RMC1: variants seen among roughly 807,000 people sequenced by gnomAD.
RMC1 encodes the protein regulator of MON1-CCZ1.
In RMC1, 44 loss-of-function variants were observed where a neutral mutation model predicts 95.5. The observed-to-expected ratio is 0.46, with a 90% confidence interval of 0.36 to 0.59. The LOEUF (loss-of-function observed/expected upper bound fraction) is 0.59. Ranked by LOEUF, RMC1 falls within the 20% of genes least tolerant of loss-of-function variation. The pLI is 0.00. For synonymous variants in RMC1, 320 were observed against 303.6 expected (o/e 1.05, Z -0.56); for missense variants, 705 against 819.6 (o/e 0.86, Z 1.71).
At chr18:23,519,925 C>T (rs2058100375) in intron 9 of RMC1, among the ~76,000 whole-genome samples, 1 of 152,140 alleles carries the variant, frequency 6.6e-6, no homozygotes, top group Non-Finnish European at 1.5e-5. Context: ...GAGGATGTTT[C>T]CAGTTGAAAT....
Position 23,503,754 on chromosome 18 carries a change from CCCT to C in RMC1, c.102+35_102+37del, listed in dbSNP as rs779399938. ...CGCCCGCGCTTCCTCCCCCGCGCGG[CCCT>C]GCCGGGGTCGTGGGCGCGCCAAGGC... On this transcript the variant is annotated intron_variant, in intron 1 of 19. Transcript: ENST00000269221. 5 of 1,567,102 alleles carry C rather than the reference CCCT, an allele frequency of 3.2e-6. No individual in the cohort carries two copies. In the South Asian group the frequency reaches 5.7e-5, roughly 18 times the overall value.
intron 5 of RMC1, among the ~76,000 whole-genome samples, chr18:23,513,599 A>C (rs578101987): frequency 1.9e-4 from 29 of 152,294 alleles, no homozygotes; most frequent in African/African-American, 6.7e-4. Flanking sequence ...TCTGTTTCTG[A>C]ATATTTTAGG....
At chr18:23,507,914 G>T in intron 3 of RMC1, 71 bp from the exon 4 acceptor site, 1 of 1,372,668 alleles carries the variant, frequency 7.3e-7, no homozygotes, top group Non-Finnish European at 1.0e-6. Context: ...TTGTCTTGTA[G>T]TATGCCAACG....
At chr18:23,519,665 T>A (rs1355635964) in intron 9 of RMC1, among the ~76,000 whole-genome samples, 2 of 152,194 alleles carry the variant, frequency 1.3e-5, no homozygotes, top group Non-Finnish European at 2.9e-5. Flanking sequence ...TAAAGATAAT[T>A]CAAAACTATT....
intron 10 of RMC1, among the ~76,000 whole-genome samples, chr18:23,523,719 C>G (rs889813108): frequency 2.0e-5 from 3 of 151,952 alleles, no homozygotes; most frequent in Non-Finnish European, 4.4e-5. Context: ...AACACCCTCT[C>G]TTAAAGAAAA....
In RMC1 at chr18:23,519,656, A is replaced by C. The variant is rs548407562; in HGVS notation, c.849+482A>C. On this transcript the variant is annotated intron_variant, in intron 9 of 19. Coordinates refer to ENST00000269221, the MANE Select transcript of RMC1 (RefSeq NM_013326.5). ...AAAAAAGTGATTGTGTCAGTTGATT[A>C]AAGATAATTCAAAACTATTTCAGAA... 1.9e-4 allele frequency among the ~76,000 whole-genome samples: 29 copies of C among 152,378 alleles called. No individual in the cohort carries two copies. In the East Asian group the frequency reaches 5.4e-3, roughly 28 times the overall value.
In RMC1 at chr18:23,531,701, C is replaced by CTGAAATCACTTGCTGTTTTTTTAT. The variant is rs777884024; in HGVS notation, c.1972_*21dup. Reference sequence around the variant, plus strand: ...AAGCTCTAATGAGGCCTACAACATTCTGAAATCACTTGCTGTTTTTTTATA... The same window carrying CTGAAATCACTTGCTGTTTTTTTAT: ...AAGCTCTAATGAGGCCTACAACATTCTGAAATCACTTGCTGTTTTTTTATTGAAATCACTTGCTGTTTTTTTATA... On this transcript the variant is annotated inframe_insertion and stop_retained_variant, in exon 20 of 20. Transcript: ENST00000269221. The CTGAAATCACTTGCTGTTTTTTTAT allele has an allele frequency of 4.4e-6, 7 of 1,604,808 alleles. No homozygotes were observed. The highest frequency in any genetic ancestry group is 5.9e-6 in the Non-Finnish European group (7 of 1,177,860).
At position 23,519,189 on chromosome 18, in the gene RMC1, C is replaced by T. The variant is rs770064244; in HGVS notation, c.849+15C>T. The T allele has an allele frequency of 7.5e-6, 12 of 1,604,748 alleles. No homozygotes were observed. Among genetic ancestry groups the T allele is most frequent in the East Asian group, 2.2e-5 (1 of 44,778 alleles). ...AGGATACAGAGGTACAAGCTGTCTG[C>T]GTTTCTACCAAAGTTAAGGTTGCTT... On this transcript the variant is annotated intron_variant, in intron 9 of 19. Coordinates refer to ENST00000269221, the MANE Select transcript of RMC1 (RefSeq NM_013326.5).
intron 9 of RMC1, among the ~76,000 whole-genome samples, chr18:23,519,404 G>A (rs898846265): frequency 7.2e-5 from 11 of 152,194 alleles, no homozygotes; most frequent in Admixed American, 3.3e-4. Flanking sequence ...TATAGTCCCA[G>A]CTACTTGTGG....
chr18:23,515,501 G>C (rs2057976885), intron 5 of RMC1, among the ~76,000 whole-genome samples: 1 of 152,114 alleles, frequency 6.6e-6, no homozygotes, highest in Non-Finnish European at 1.5e-5. Context: ...AGAGCGCACT[G>C]TAAGGATCTT....
At chr18:23,527,223 CAAAAAAAAA>C (rs386387173) in intron 13 of RMC1, among the ~76,000 whole-genome samples, 2 of 43,670 alleles carry the variant, frequency 4.6e-5, no homozygotes, top group Non-Finnish European at 1.0e-4. Context: ...CCTGTCTCTA[CAAAAAAAAA>C]AAAAAAAAAA....
intron 16 of RMC1, 49 bp downstream of exon 16, chr18:23,529,761 A>C: frequency 6.5e-7 from 1 of 1,534,868 alleles, no homozygotes. Context: ...GAATTTAAAA[A>C]AAAAACACAG....
At chr18:23,504,715 A>T (rs2057670365) in intron 2 of RMC1, 1 of 331,606 alleles carries the variant, frequency 3.0e-6, no homozygotes, top group African/African-American at 2.1e-5. Context: ...TTAACAAGTC[A>T]GCGTGATGAT....
chr18:23,522,792 GT>G (rs2058177398), intron 10 of RMC1: 1 of 152,406 alleles, frequency 6.6e-6, no homozygotes. Flanking sequence ...ATTTTCAGAG[GT>G]TAGTGACTCT....
chr18:23,525,427 A>C (rs1033660508), intron 12 of RMC1, among the ~76,000 whole-genome samples: 4 of 150,722 alleles, frequency 2.7e-5, no homozygotes, highest in Admixed American at 1.3e-4. Context: ...TATTATAATA[A>C]TAATAATAAT....
rs776793684 is a variant in RMC1 at position 23,518,966 on chromosome 18, T to A, written c.730T>A (p.Tyr244Asn). The change falls in exon 8 of 20, where the codon TAT (tyrosine) becomes AAT (asparagine). Residue 244 changes from tyrosine to asparagine, a missense_variant. Tyr to Asn is a moderately radical substitution (Grantham distance 143). Transcript: ENST00000269221. ...SNSTGAEVVLYHLPREGACKK... is the reference protein window; with the variant it reads ...SNSTGAEVVLNHLPREGACKK... Reference sequence around the variant, plus strand: ...CAGCACAGGAGCGGAGGTGGTCCTCTATCATCTACCACGGTAGATTTCATG... The same window carrying A: ...CAGCACAGGAGCGGAGGTGGTCCTCAATCATCTACCACGGTAGATTTCATG... 4 of 1,614,232 alleles carry A rather than the reference T, an allele frequency of 2.5e-6. No homozygotes were observed. The Admixed American group carries it at 6.7e-5, about 27-fold the overall frequency.
At chr18:23,513,444 T>C (rs1051866060) in intron 5 of RMC1, among the ~76,000 whole-genome samples, 19 of 152,246 alleles carry the variant, frequency 1.2e-4, no homozygotes, top group African/African-American at 4.1e-4. Context: ...CATTCATCTG[T>C]TGAGGGACAT....
At chr18:23,514,538 C>G in intron 5 of RMC1, among the ~76,000 whole-genome samples, 1 of 149,896 alleles carries the variant, frequency 6.7e-6, no homozygotes, top group East Asian at 2.0e-4. Flanking sequence ...GCCTGGGCAA[C>G]AAGAGTGAAA....
At chr18:23,524,311 A>G in intron 11 of RMC1, 118 bp from the exon 12 acceptor site, 3 of 1,486,286 alleles carry the variant, frequency 2.0e-6, no homozygotes, top group Non-Finnish European at 1.9e-6. Flanking sequence ...CTGACTGTCC[A>G]GGGGCCTCGC....
Sources: allele counts gnomAD v4.1 joint callset (sites outside exome capture counted in the v4.1 genomes callset), GRCh38; gene constraint gnomAD v4.1.1; transcripts MANE v1.5; gene names NCBI Gene and HGNC (gene_info 2026-07-23, HGNC 2026-07-21).